Variants in SLC8A1 observed in about 807,000 individuals in gnomAD.
SLC8A1 encodes the protein sodium/calcium exchanger 1.
SLC8A1 carries 18 observed loss-of-function variants against 68.3 expected under a neutral mutation model. That is an observed-to-expected ratio of 0.26 (90% confidence interval 0.18 to 0.39). SLC8A1 has a LOEUF of 0.39. Ranked by LOEUF, SLC8A1 falls within the 10% of genes least tolerant of loss-of-function variation. The pLI is 1.00. For synonymous variants in SLC8A1, 475 were observed against 415.5 expected (o/e 1.14, Z -1.74); for missense variants, 985 against 1,156.7 (o/e 0.85, Z 2.15).
chr2:40,175,141 A>C, intron 3 of SLC8A1, 120 bp downstream of exon 4: 1 of 1,058,098 alleles, frequency 9.5e-7, no homozygotes, highest in Non-Finnish European at 1.4e-6. Context: ...CAATGGCCCT[A>C]AACAACAATC....
At chr2:40,364,732 T>G (rs1425371372) in intron 2 of SLC8A1, among the ~76,000 whole-genome samples, 1 of 152,122 alleles carries the variant, frequency 6.6e-6, no homozygotes, top group East Asian at 1.9e-4. Context: ...CCTCTGCTCA[T>G]TAAAGAGAAG....
chr2:40,412,177 A>G (rs979325971), intron 2 of SLC8A1, among the ~76,000 whole-genome samples: 2 of 152,080 alleles, frequency 1.3e-5, no homozygotes, highest in African/African-American at 2.4e-5. Flanking sequence ...CTGCTTAGCG[A>G]TATGTCAGAA....
At chr2:40,461,273 T>C (rs1197766459) in intron 1 of SLC8A1, among the ~76,000 whole-genome samples, 2 of 152,124 alleles carry the variant, frequency 1.3e-5, no homozygotes, top group African/African-American at 4.8e-5. Context: ...AGAGAGGATA[T>C]TTCACCACTG....
intron 2 of SLC8A1, among the ~76,000 whole-genome samples, chr2:40,366,428 A>G (rs1676212325): frequency 6.6e-6 from 1 of 152,106 alleles, no homozygotes; most frequent in Non-Finnish European, 1.5e-5. Context: ...CAATAATGAC[A>G]GCTGCCTGAC....
At chr2:40,397,358 G>T (rs1687318078) in intron 2 of SLC8A1, among the ~76,000 whole-genome samples, 1 of 152,180 alleles carries the variant, frequency 6.6e-6, no homozygotes, top group African/African-American at 2.4e-5. Flanking sequence ...TTCAGAGGCA[G>T]TTCCAACATG....
At chr2:40,301,990 G>C (rs2071545637) in intron 2 of SLC8A1, among the ~76,000 whole-genome samples, 1 of 151,084 alleles carries the variant, frequency 6.6e-6, no homozygotes, top group Admixed American at 6.6e-5. Flanking sequence ...AGCCTGCAAA[G>C]TAGCTGGTAT....
At chr2:40,328,289 T>C (rs1404570324) in intron 2 of SLC8A1, among the ~76,000 whole-genome samples, 2 of 152,238 alleles carry the variant, frequency 1.3e-5, no homozygotes, top group African/African-American at 4.8e-5. Context: ...TTTCCATTAT[T>C]AGTAATAGTT....
chr2:40,163,150 G>C (rs2045977087), intron 5 of SLC8A1, among the ~76,000 whole-genome samples: 1 of 152,162 alleles, frequency 6.6e-6, no homozygotes, highest in African/African-American at 2.4e-5. Context: ...TTCATGTAGA[G>C]ACTTGGGGCA....
At chr2:40,410,446 G>A (rs1354897279) in intron 2 of SLC8A1, among the ~76,000 whole-genome samples, 1 of 152,082 alleles carries the variant, frequency 6.6e-6, no homozygotes, top group African/African-American at 2.4e-5. Context: ...TAATGTATAT[G>A]AGTACTACAG....
chr2:40,362,393 A>G (rs1372912396), intron 2 of SLC8A1, among the ~76,000 whole-genome samples: 1 of 152,208 alleles, frequency 6.6e-6, no homozygotes, highest in Admixed American at 6.5e-5. Context: ...CAGGTAAATA[A>G]TCTCAATTTA....
intron 2 of SLC8A1, among the ~76,000 whole-genome samples, chr2:40,416,911 A>C (rs1694048418): frequency 6.6e-6 from 1 of 152,016 alleles, no homozygotes; most frequent in African/African-American, 2.4e-5. Context: ...ACTTCATCAA[A>C]ACCTAGCTTT....
intron 1 of SLC8A1, among the ~76,000 whole-genome samples, chr2:40,439,869 C>CTCCA (rs933180125): frequency 6.6e-6 from 1 of 152,102 alleles, no homozygotes; most frequent in Non-Finnish European, 1.5e-5. Context: ...AAGGGTGACT[C>CTCCA]TCCATCAGTG....
At chr2:40,278,831 G>A (rs1009954741) in intron 2 of SLC8A1, among the ~76,000 whole-genome samples, 4 of 151,972 alleles carry the variant, frequency 2.6e-5, no homozygotes, top group Non-Finnish European at 5.9e-5. Context: ...TTAAAAACAT[G>A]TAAAATTTAA....
At chr2:40,447,396 T>G (rs954018800) in intron 1 of SLC8A1, among the ~76,000 whole-genome samples, 27 of 152,214 alleles carry the variant, frequency 1.8e-4, no homozygotes, top group Admixed American at 8.5e-4. Flanking sequence ...GTCTGGCTAC[T>G]CTCTATCCCT....
chr2:40,330,305 G>C (rs1473128649), intron 2 of SLC8A1, among the ~76,000 whole-genome samples: 1 of 152,148 alleles, frequency 6.6e-6, no homozygotes. Flanking sequence ...AAATGGTCAT[G>C]TGTCATCAAG....
chr2:40,128,103 C>T (rs997097222), intron 7 of SLC8A1, among the ~76,000 whole-genome samples: 6 of 152,198 alleles, frequency 3.9e-5, no homozygotes, highest in South Asian at 2.1e-4. Flanking sequence ...TTCCAGCTGG[C>T]GCTGTGCATA....
chr2:40,494,004 C>T (rs1705512551), intron 1 of SLC8A1, among the ~76,000 whole-genome samples: 2 of 151,376 alleles, frequency 1.3e-5, no homozygotes, highest in South Asian at 4.2e-4. Flanking sequence ...ATTAATACAA[C>T]TTGGATAAAC....
intron 2 of SLC8A1, among the ~76,000 whole-genome samples, chr2:40,282,827 T>A (rs2067720334): frequency 6.6e-6 from 1 of 152,070 alleles, no homozygotes; most frequent in African/African-American, 2.4e-5. Flanking sequence ...TGAACCACTA[T>A]AAACCCAATC....
chr2:40,172,264 AT>A (rs1451437045), intron 4 of SLC8A1, among the ~76,000 whole-genome samples: 2 of 152,232 alleles, frequency 1.3e-5, no homozygotes, highest in Non-Finnish European at 2.9e-5. Flanking sequence ...AAGAAGGGTC[AT>A]GTAAAGTGAG....
Sources: gnomAD v4.1 joint callset for allele counts (sites outside exome capture counted in the v4.1 genomes callset) on GRCh38, gnomAD v4.1.1 for gene constraint, MANE v1.5 for transcripts, NCBI Gene and HGNC (gene_info 2026-07-23, HGNC 2026-07-21) for gene names.